Variants in PCDHGA3 observed in about 807,000 individuals in gnomAD.
PCDHGA3 encodes protocadherin gamma subfamily A, 3.
A neutral mutation model predicts 58.5 loss-of-function variants in PCDHGA3; 40 were observed. That is an observed-to-expected ratio of 0.68 (90% CI 0.53 to 0.89). PCDHGA3 has a LOEUF of 0.89. Among genes scored for constraint, PCDHGA3 ranks in the 40% least tolerant of loss-of-function variants. The probability of loss-of-function intolerance (pLI) is 0.00; values close to 1 mark genes in which losing one functional copy is unlikely to be tolerated. For synonymous variants in PCDHGA3, 530 were observed against 525.7 expected (o/e 1.01, Z -0.11); for missense variants, 1,223 against 1,195.9 (o/e 1.02, Z -0.33).
chr5:141,346,065 C>G lies in PCDHGA3; in HGVS notation c.2032C>G (p.Leu678Val), dbSNP rs560931631. The change falls in exon 1 of 4, where the codon CTC becomes GTC. Residue 678 changes from leucine to valine, a missense_variant. By Grantham distance (32) the Leu-to-Val change is conservative. Transcript: ENST00000253812. The stretch of plus-strand genomic sequence containing the variant: ...CGACATCCTGGCCGACCTGGGCAGC[C>G]TCGAGCCCTCCGCCAAACCCAACGA... Reference protein sequence around the residue: ...IPDILADLGSLEPSAKPNDSD... With the variant: ...IPDILADLGSVEPSAKPNDSD... 2 of 1,613,640 alleles carry G rather than the reference C, an allele frequency of 1.2e-6. No homozygotes were observed. Among genetic ancestry groups the G allele is most frequent in the South Asian group, 2.2e-5 (2 of 91,032 alleles).
At chr5:141,466,054 G>A (rs2099115921) in intron 1 of PCDHGA3, among the ~76,000 whole-genome samples, 1 of 152,080 alleles carries the variant, frequency 6.6e-6, no homozygotes, top group Non-Finnish European at 1.5e-5. Context: ...CCCAGGAGAC[G>A]GAGCTTGCAG....
chr5:141,375,189 T>A, intron 1 of PCDHGA3: 1 of 1,613,998 alleles, frequency 6.2e-7, no homozygotes, highest in Non-Finnish European at 8.5e-7. Context: ...ATCGCCCTTT[T>A]TCAAGTGTTC....
chr5:141,389,147 G>A (rs530113846), intron 1 of PCDHGA3: 2 of 1,613,986 alleles, frequency 1.2e-6, no homozygotes, highest in South Asian at 1.1e-5. Flanking sequence ...TAACCGTTAC[G>A]GCAACAGATC....
intron 2 of PCDHGA3, among the ~76,000 whole-genome samples, chr5:141,495,834 C>T (rs1366861675): frequency 6.6e-6 from 1 of 152,198 alleles, no homozygotes; most frequent in African/African-American, 2.4e-5. Context: ...CTATCCCCAG[C>T]CTCTATGTTT....
At chr5:141,355,564 G>A in intron 1 of PCDHGA3, 2 of 1,614,036 alleles carry the variant, frequency 1.2e-6, no homozygotes, top group South Asian at 1.1e-5. Context: ...GGTAGAGGTG[G>A]AAATAATCGA....
intron 1 of PCDHGA3, among the ~76,000 whole-genome samples, chr5:141,448,861 C>T (rs1017826063): frequency 2.0e-5 from 3 of 152,118 alleles, no homozygotes; most frequent in African/African-American, 7.2e-5. Flanking sequence ...AGGAGAATGG[C>T]GTGAACCTGG....
chr5:141,446,353 T>C (rs1278613929), intron 1 of PCDHGA3, among the ~76,000 whole-genome samples: 2 of 152,176 alleles, frequency 1.3e-5, no homozygotes, highest in Non-Finnish European at 2.9e-5. Flanking sequence ...AAGCTACCAT[T>C]TGATGAGAAT....
chr5:141,505,342 T>C (rs2099845433), intron 2 of PCDHGA3, 51 bp from the exon 3 acceptor site: 1 of 1,612,738 alleles, frequency 6.2e-7, no homozygotes, highest in African/African-American at 1.3e-5. Flanking sequence ...AGGAGGGGCA[T>C]GAGCTGTGCC....
rs571977774 is a variant in PCDHGA3 at position 141,375,523 on chromosome 5, C to G, written c.2424+29066C>G. ...TCTCTGTGAATGCACTGGACCCTGA[C>G]GTGGACCAGAACGCCCAAGTCTCCT... On this transcript the variant is annotated intron_variant, in intron 1 of 3. Coordinates refer to ENST00000253812, the MANE Select transcript of PCDHGA3 (RefSeq NM_018916.4). The G allele has an allele frequency of 1.6e-4, 253 of 1,614,032 alleles. 3 individuals are homozygous for G. The Admixed American group carries it at 4.2e-3, about 27-fold the overall frequency.
intron 1 of PCDHGA3, chr5:141,350,138 C>A: frequency 2.5e-6 from 2 of 788,660 alleles, no homozygotes; most frequent in Non-Finnish European, 3.7e-6. Context: ...ACAGACGCTG[C>A]TCCTGTTCAC....
At chr5:141,423,826 A>G (rs1324911075) in intron 1 of PCDHGA3, 21 of 1,275,178 alleles carry the variant, frequency 1.6e-5, no homozygotes, top group Middle Eastern at 2.2e-4. Flanking sequence ...TTTGCCTTTC[A>G]TGAGATTACG....
At chr5:141,382,571 A>G (rs1016420360) in intron 1 of PCDHGA3, among the ~76,000 whole-genome samples, 2 of 152,244 alleles carry the variant, frequency 1.3e-5, no homozygotes, top group Admixed American at 6.5e-5. Flanking sequence ...AAGAAATCTA[A>G]CAGGGAAATT....
chr5:141,371,427 C>G lies in PCDHGA3; in HGVS notation c.2424+24970C>G, dbSNP rs773502490. The stretch of plus-strand genomic sequence containing the variant: ...TATTTCAGATGAAAATGACAATGCC[C>G]CGGAGATAACCCTGGCTTCTGAATC... On this transcript the variant is annotated intron_variant, in intron 1 of 3. Transcript: ENST00000253812. 1.9e-6 allele frequency: 3 copies of G among 1,613,898 alleles called. No homozygotes were observed. Among genetic ancestry groups the G allele is most frequent in the South Asian group, 2.2e-5 (2 of 91,072 alleles).
intron 3 of PCDHGA3, among the ~76,000 whole-genome samples, chr5:141,507,645 G>A (rs565235954): frequency 6.6e-6 from 1 of 152,382 alleles, no homozygotes; most frequent in South Asian, 2.1e-4. Flanking sequence ...CTGAGGCCAG[G>A]AAGCAGCTTT....
chr5:141,453,077 T>C (rs2098755487), intron 1 of PCDHGA3, among the ~76,000 whole-genome samples: 1 of 152,090 alleles, frequency 6.6e-6, no homozygotes, highest in African/African-American at 2.4e-5. Context: ...CACACTCTGG[T>C]TGATTAGTAT....
At position 141,498,660 on chromosome 5, in the gene PCDHGA3, G is replaced by A. The variant is rs969314533; in HGVS notation, c.2483+3795G>A. Among the ~76,000 whole-genome samples, 11 of 152,192 alleles carry A rather than the reference G, an allele frequency of 7.2e-5. No homozygotes were observed. In the East Asian group the frequency reaches 9.6e-4, roughly 13 times the overall value. ...GAAGGAAGAAGACCTGGCCAGGTGT[G>A]GTGGCTCACGCCTGTAATCCCAGCA... is the stretch of plus-strand genomic sequence containing the variant. On this transcript the variant is annotated intron_variant, in intron 2 of 3. Coordinates refer to ENST00000253812, the MANE Select transcript of PCDHGA3 (RefSeq NM_018916.4).
chr5:141,390,354 A>C (rs1031121162), intron 1 of PCDHGA3: 21 of 1,553,066 alleles, frequency 1.4e-5, no homozygotes, highest in Non-Finnish European at 1.6e-5. Context: ...AAATATACAT[A>C]TTTGCAGGAA....
At chr5:141,425,289 A>C (rs17208404) in intron 1 of PCDHGA3, among the ~76,000 whole-genome samples, 26,691 of 152,172 alleles carry the variant, frequency 0.18, 2,539 homozygotes, top group Admixed American at 0.28. Flanking sequence ...CATATTATAA[A>C]ACCTCATCTA....
intron 1 of PCDHGA3, among the ~76,000 whole-genome samples, chr5:141,471,145 G>T (rs569617031): frequency 3.4e-4 from 50 of 148,740 alleles, no homozygotes; most frequent in Non-Finnish European, 5.4e-4. Flanking sequence ...TGCCTCCTGG[G>T]TTCAAGTGAT....
Sources: gnomAD v4.1 joint callset for allele counts (sites outside exome capture counted in the v4.1 genomes callset) on GRCh38, gnomAD v4.1.1 for gene constraint, MANE v1.5 for transcripts, NCBI Gene and HGNC (gene_info 2026-07-23, HGNC 2026-07-21) for gene names.